NELL1: variants seen among roughly 807,000 people sequenced by gnomAD.
NELL1 encodes the protein protein kinase C-binding protein NELL1.
Under a neutral mutation model 107.4 loss-of-function variants are expected in NELL1, and 76 were observed. That is an observed-to-expected ratio of 0.71 (90% CI 0.59 to 0.86). The LOEUF (loss-of-function observed/expected upper bound fraction) is 0.86. Ranked by LOEUF, NELL1 falls within the 40% of genes least tolerant of loss-of-function variation. NELL1 has a pLI of 0.00. For missense variants in NELL1, 1,024 were observed against 1,005.5 expected, an observed-to-expected ratio of 1.02 and a Z score of -0.25; for synonymous variants, 353 against 341.2, an observed-to-expected ratio of 1.03 and a Z score of -0.38.
At chr11:21,370,783 C>A in intron 14 of NELL1, 70 bp from the exon 15 acceptor site, 2 of 1,185,306 alleles carry the variant, frequency 1.7e-6, no homozygotes, top group South Asian at 1.3e-5. Context: ...TGCTTCAGTG[C>A]TCCTGCTGTT....
In NELL1 at chr11:20,669,823, G is replaced by A. The variant is rs998758480; in HGVS notation, c.55+45G>A. ...TTAGAGGGATCCGGGAAATGGGGGT[G>A]CCCACAGACCACGGCGGCGTGGGGA... On this transcript the variant is annotated intron_variant, in intron 1 of 19. Coordinates refer to ENST00000357134, the MANE Select transcript of NELL1 (RefSeq NM_006157.5). The surrounding 1 kb of genome is among the most constrained non-coding windows in gnomAD (Gnocchi z 4.4). 4 of 1,543,968 alleles carry A rather than the reference G, an allele frequency of 2.6e-6. No individual in the cohort carries two copies. The highest frequency in any genetic ancestry group is 3.6e-6 in the Non-Finnish European group (4 of 1,116,856).
At chr11:21,325,079 C>T (rs551995144) in intron 14 of NELL1, among the ~76,000 whole-genome samples, 222 of 152,032 alleles carry the variant, frequency 1.5e-3, no homozygotes, top group Non-Finnish European at 1.7e-3. Context: ...GTTTCCTTTT[C>T]TTCTTGGAAT....
chr11:21,400,266 T>C (rs1852069512), intron 15 of NELL1, among the ~76,000 whole-genome samples: 1 of 151,782 alleles, frequency 6.6e-6, no homozygotes, highest in South Asian at 2.1e-4. Context: ...TTCATTCTAG[T>C]CTGTTGTTGT....
At chr11:20,813,982 A>T (rs115455143) in intron 3 of NELL1, among the ~76,000 whole-genome samples, 7 of 151,070 alleles carry the variant, frequency 4.6e-5, no homozygotes, top group Admixed American at 1.3e-4. Flanking sequence ...TTTATAAATA[A>T]ATTTATTTAT....
intron 12 of NELL1, among the ~76,000 whole-genome samples, chr11:21,069,268 C>T (rs1005755086): frequency 2.6e-5 from 4 of 152,090 alleles, no homozygotes; most frequent in Non-Finnish European, 5.9e-5. Context: ...TGCACATGTA[C>T]CCTTGAACTT....
intron 14 of NELL1, among the ~76,000 whole-genome samples, chr11:21,350,626 C>G (rs1002243007): frequency 1.3e-5 from 2 of 152,092 alleles, no homozygotes; most frequent in Non-Finnish European, 2.9e-5. Context: ...TTTAAGTTTA[C>G]TCTGGGATTT....
In NELL1 at chr11:21,362,835, TCCTTGG is replaced by T. The variant is rs1590869876; in HGVS notation, c.1550-8017_1550-8012del. Among the ~76,000 whole-genome samples, 19 of 152,248 alleles carry T rather than the reference TCCTTGG, an allele frequency of 1.2e-4. No individual in the cohort carries two copies. In the East Asian group the frequency reaches 3.7e-3, roughly 29 times the overall value. ...CTTACGCAAGTCTTGGCTCAGACTC[TCCTTGG>T]GTGGGGCTTGCTGCAGCCACAGTGG... On this transcript the variant is annotated intron_variant, in intron 14 of 19. Transcript: ENST00000357134.
At chr11:20,860,919 G>A (rs543447723) in intron 4 of NELL1, among the ~76,000 whole-genome samples, 32 of 152,252 alleles carry the variant, frequency 2.1e-4, no homozygotes, top group Non-Finnish European at 7.4e-5. Context: ...AACAGAGTTG[G>A]GTACTTGTGT....
intron 2 of NELL1, among the ~76,000 whole-genome samples, chr11:20,715,036 G>A (rs971400105): frequency 6.6e-6 from 1 of 152,110 alleles, no homozygotes; most frequent in African/African-American, 2.4e-5. Context: ...GAGGTCAGGA[G>A]ATCGAGACCA....
intron 13 of NELL1, among the ~76,000 whole-genome samples, chr11:21,157,109 A>ATG (rs977744980): frequency 2.0e-5 from 3 of 151,168 alleles, no homozygotes. Context: ...ACTCAAAAAT[A>ATG]TGTGTATATA....
chr11:20,968,356 A>AAAGG (rs113924334), intron 12 of NELL1, among the ~76,000 whole-genome samples: 54,032 of 151,294 alleles, frequency 0.36, 10,283 homozygotes, highest in East Asian at 0.57. Flanking sequence ...TTAAAGAAAG[A>AAAGG]AAGGAAGGAA....
intron 2 of NELL1, among the ~76,000 whole-genome samples, chr11:20,730,588 T>G (rs1401407687): frequency 6.6e-6 from 1 of 152,148 alleles, no homozygotes; most frequent in Non-Finnish European, 1.5e-5. Context: ...ACTCCTACCA[T>G]AGTAGAGGAA....
At chr11:21,329,474 T>G (rs1055390077) in intron 14 of NELL1, among the ~76,000 whole-genome samples, 1 of 152,192 alleles carries the variant, frequency 6.6e-6, no homozygotes, top group African/African-American at 2.4e-5. Context: ...GAGAATGGAC[T>G]AAAACACTAT....
chr11:21,008,682 A>G (rs72939971), intron 12 of NELL1, among the ~76,000 whole-genome samples: 1 of 151,962 alleles, frequency 6.6e-6, no homozygotes, highest in South Asian at 2.1e-4. Flanking sequence ...ACCTATACCC[A>G]TCCTCACATG....
intron 3 of NELL1, among the ~76,000 whole-genome samples, chr11:20,835,539 G>A (rs1848518001): frequency 6.6e-6 from 1 of 152,132 alleles, no homozygotes; most frequent in Non-Finnish European, 1.5e-5. Context: ...AATGCTCTGT[G>A]TATAAGAAAG....
intron 2 of NELL1, among the ~76,000 whole-genome samples, chr11:20,683,297 TGTA>T (rs1854232723): frequency 6.6e-6 from 1 of 152,238 alleles, no homozygotes; most frequent in East Asian, 1.9e-4. Flanking sequence ...GTTTAACTCA[TGTA>T]GTTTCTTTTT....
At chr11:20,936,504 T>C (rs1437379039) in intron 9 of NELL1, among the ~76,000 whole-genome samples, 2 of 152,178 alleles carry the variant, frequency 1.3e-5, no homozygotes, top group African/African-American at 2.4e-5. Flanking sequence ...AAGGGAGGAA[T>C]GAAAGCCCCA....
intron 1 of NELL1, among the ~76,000 whole-genome samples, chr11:20,673,842 ATTTT>A: frequency 6.7e-6 from 1 of 149,124 alleles, no homozygotes; most frequent in East Asian, 2.0e-4. Flanking sequence ...GAAACAATAC[ATTTT>A]TTTTTTTTAT....
At chr11:21,481,972 A>G (rs1381675830) in intron 15 of NELL1, among the ~76,000 whole-genome samples, 1 of 152,140 alleles carries the variant, frequency 6.6e-6, no homozygotes, top group Non-Finnish European at 1.5e-5. Flanking sequence ...TCTACCACTT[A>G]CTAGATGGGT....
Sources: allele counts gnomAD v4.1 joint callset (sites outside exome capture counted in the v4.1 genomes callset), GRCh38; gene constraint gnomAD v4.1.1; non-coding constraint Gnocchi (gnomAD v3.1); transcripts MANE v1.5; gene names NCBI Gene and HGNC (gene_info 2026-07-23, HGNC 2026-07-21).